Variants in PRKAA1 observed in about 807,000 individuals in gnomAD.
PRKAA1 encodes the protein protein kinase AMP-activated catalytic subunit alpha 1.
A neutral mutation model predicts 56.9 loss-of-function variants in PRKAA1; 23 were observed. That is an observed-to-expected ratio of 0.40 (90% CI 0.29 to 0.57). PRKAA1 has a LOEUF of 0.57. Ranked by LOEUF, PRKAA1 falls within the 20% of genes least tolerant of loss-of-function variation. The probability of loss-of-function intolerance (pLI) is 0.39; values close to 1 mark genes in which losing one functional copy is unlikely to be tolerated. For missense variants in PRKAA1, 413 were observed against 679.7 expected, an observed-to-expected ratio of 0.61 and a Z score of 4.36; for synonymous variants, 226 against 227.0, an observed-to-expected ratio of 1.00 and a Z score of 0.04.
chr5:40,787,014 AAAG>A (rs1253044900), intron 1 of PRKAA1, among the ~76,000 whole-genome samples: 3 of 152,096 alleles, frequency 2.0e-5, no homozygotes, highest in Admixed American at 6.6e-5. Flanking sequence ...CAAGCTGAAT[AAAG>A]AAGACACTAA....
At chr5:40,797,444 C>G (rs1487777886) in intron 1 of PRKAA1, among the ~76,000 whole-genome samples, 5 of 152,178 alleles carry the variant, frequency 3.3e-5, no homozygotes, top group Admixed American at 6.6e-5. Flanking sequence ...AAATACTGAA[C>G]CAGTTTATAC....
rs1743862017 is a variant in PRKAA1 at position 40,773,808 on chromosome 5, A to G, written c.363+1602T>C. On this transcript the variant is annotated intron_variant, in intron 3 of 8. Coordinates refer to ENST00000397128, the MANE Select transcript of PRKAA1 (RefSeq NM_006251.6). ...AAGTAAGAAGCTTTTAAACTCACCC[A>G]TATTGGGGAATAAGACCTATAATTT... 2.0e-5 allele frequency among the ~76,000 whole-genome samples: 3 copies of G among 152,248 alleles called. No individual in the cohort carries two copies. The South Asian group carries it at 6.2e-4, about 31-fold the overall frequency.
chr5:40,778,238 G>A (rs1404830479), intron 1 of PRKAA1, among the ~76,000 whole-genome samples: 1 of 152,162 alleles, frequency 6.6e-6, no homozygotes, highest in Non-Finnish European at 1.5e-5. Flanking sequence ...TGATGATTGA[G>A]ACTCTGCCTC....
At chr5:40,775,946 C>G (rs1361227901) in intron 2 of PRKAA1, among the ~76,000 whole-genome samples, 1 of 152,074 alleles carries the variant, frequency 6.6e-6, no homozygotes, top group African/African-American at 2.4e-5. Flanking sequence ...GATGTAGAGT[C>G]AAAGGTGTTA....
intron 2 of PRKAA1, 145 bp downstream of exon 2, chr5:40,777,300 A>C (rs537310983): frequency 4.3e-5 from 37 of 853,824 alleles, no homozygotes; most frequent in Non-Finnish European, 6.2e-5. Context: ...GGTGTGAGCC[A>C]CCGCACACAG....
chr5:40,769,503 C>A lies in PRKAA1; in HGVS notation c.509G>T (p.Gly170Val). The A allele has an allele frequency of 6.2e-7, 1 of 1,603,142 alleles. No homozygotes were observed. Among genetic ancestry groups the A allele is most frequent in the Non-Finnish European group, 8.5e-7 (1 of 1,173,628 alleles). Residue 170 changes from glycine to valine, a missense_variant and splice_region_variant, in exon 5 of 9, where the codon GGT becomes GTT. Physicochemically the swap from Gly to Val is moderately radical, Grantham distance 109. This residue lies in a region of PRKAA1 where 113 missense variants were observed against 198.6 expected (regional missense o/e 0.57). Coordinates refer to ENST00000397128, the MANE Select transcript of PRKAA1 (RefSeq NM_006251.6). Reference protein sequence around the residue: ...AHMNAKIADFGLSNMMSDGEF... With the variant: ...AHMNAKIADFVLSNMMSDGEF... ...ACCATCTGACATCATGTTTGAAAGACCTGAAAGTGCACAAAATCAGCTACT... is the reference window on the plus strand; with the variant it reads ...ACCATCTGACATCATGTTTGAAAGAACTGAAAGTGCACAAAATCAGCTACT...
At chr5:40,773,423 A>G (rs1273609022) in intron 3 of PRKAA1, among the ~76,000 whole-genome samples, 1 of 152,226 alleles carries the variant, frequency 6.6e-6, no homozygotes, top group African/African-American at 2.4e-5. Flanking sequence ...GGAGAAAGGG[A>G]TGTCTATAAA....
rs369229105 is a variant in PRKAA1 at position 40,763,073 on chromosome 5, A to C, written c.1436-51T>G. On this transcript the variant is annotated intron_variant, in intron 8 of 8. Transcript: ENST00000397128. ...TATAGTCTATGACCTTCTCCCAAAA[A>C]TTTTTGTAACAGTATTGAATTTGCT... 3.1e-6 allele frequency: 5 copies of C among 1,588,000 alleles called. No homozygotes were observed. In the South Asian group the frequency reaches 5.6e-5, roughly 18 times the overall value.
intron 6 of PRKAA1, 94 bp from the exon 7 acceptor site, chr5:40,765,332 T>G (rs1047106485): frequency 7.4e-7 from 1 of 1,359,006 alleles, no homozygotes; most frequent in Non-Finnish European, 1.0e-6. Context: ...ACTTAATTTA[T>G]ATTTATATTC....
intron 1 of PRKAA1, among the ~76,000 whole-genome samples, chr5:40,785,341 G>A (rs1303808702): frequency 6.6e-6 from 1 of 152,096 alleles, no homozygotes; most frequent in Non-Finnish European, 1.5e-5. Context: ...CTGGGTTCAA[G>A]CGATTCTCCT....
intron 1 of PRKAA1, among the ~76,000 whole-genome samples, chr5:40,782,977 G>C (rs965780062): frequency 2.0e-5 from 3 of 152,046 alleles, no homozygotes; most frequent in Admixed American, 2.0e-4. Flanking sequence ...AAAGTATGGT[G>C]GTATAACTTC....
chr5:40,777,389 G>A (rs1744058872), intron 2 of PRKAA1, 56 bp downstream of exon 2: 3 of 1,516,994 alleles, frequency 2.0e-6, no homozygotes, highest in Non-Finnish European at 2.7e-6. Context: ...CATTAAGTAG[G>A]TTAACAAAAA....
At position 40,761,118 on chromosome 5, in the gene PRKAA1, G is replaced by C. The variant is rs955043514; in HGVS notation, c.*1660C>G. 6 of 152,004 alleles carry C rather than the reference G, an allele frequency of 3.9e-5. No individual in the cohort carries two copies. The highest frequency in any genetic ancestry group is 1.2e-4 in the African/African-American group (5 of 41,402). The allele number at this position is 152,004 out of a possible 1,614,324, so 9.4% of individuals were successfully genotyped here. A position where few individuals can be genotyped will look rare whatever the true frequency, so the allele number is the denominator to read the frequency against. ...AAACAAATGTGACCACTTATTAATAGAATTGATTTGTTCCATATTTTATCA... is the reference window on the plus strand; with the variant it reads ...AAACAAATGTGACCACTTATTAATACAATTGATTTGTTCCATATTTTATCA... On this transcript the variant is annotated 3_prime_UTR_variant, in exon 9 of 9. Transcript: ENST00000397128.
At chr5:40,785,107 C>A (rs920673660) in intron 1 of PRKAA1, among the ~76,000 whole-genome samples, 2 of 152,136 alleles carry the variant, frequency 1.3e-5, no homozygotes, top group African/African-American at 4.8e-5. Context: ...TATTTGAGTA[C>A]CAGCACCTAC....
intron 2 of PRKAA1, chr5:40,777,175 G>A: frequency 4.4e-6 from 1 of 227,246 alleles, no homozygotes. Flanking sequence ...ACCATGCCCA[G>A]CTAATTTTTG....
At chr5:40,768,936 C>A in intron 5 of PRKAA1, 1 of 1,520,652 alleles carries the variant, frequency 6.6e-7, no homozygotes, top group South Asian at 1.1e-5. Flanking sequence ...ATATTGCAGT[C>A]TCTAAAAGGT....
Position 40,762,683 on chromosome 5 carries a change from T to C in PRKAA1, c.*95A>G. ...GCATTCCAAAACGCCAGCCCTCGGTTATAATTATGTATAACTTGATTACAA... is the reference window on the plus strand; with the variant it reads ...GCATTCCAAAACGCCAGCCCTCGGTCATAATTATGTATAACTTGATTACAA... On this transcript the variant is annotated 3_prime_UTR_variant, in exon 9 of 9. Coordinates refer to ENST00000397128, the MANE Select transcript of PRKAA1 (RefSeq NM_006251.6). 1 of 1,493,066 alleles carries C rather than the reference T, an allele frequency of 6.7e-7. No homozygotes were observed. Among genetic ancestry groups the C allele is most frequent in the South Asian group, 1.3e-5 (1 of 78,326 alleles). The allele number at this position is 1,493,066 out of a possible 1,614,324, so 92.5% of individuals were successfully genotyped here.
At position 40,797,687 on chromosome 5, in the gene PRKAA1, G is replaced by T. The variant is rs375942774; in HGVS notation, c.127+376C>A. Among the ~76,000 whole-genome samples, 933 of 152,360 alleles carry T rather than the reference G, an allele frequency of 6.1e-3. 13 individuals are homozygous for T. Among genetic ancestry groups the T allele is most frequent in the African/African-American group, 0.021 (883 of 41,594 alleles). ...CCTGAGCCAAGGGAGCACAACCCGG[G>T]CGCACAAGATGCCGCCTCCCCGGGG... On this transcript the variant is annotated intron_variant, in intron 1 of 8. Coordinates refer to ENST00000397128, the MANE Select transcript of PRKAA1 (RefSeq NM_006251.6).
At chr5:40,780,818 T>A (rs899097500) in intron 1 of PRKAA1, among the ~76,000 whole-genome samples, 4 of 152,184 alleles carry the variant, frequency 2.6e-5, no homozygotes, top group African/African-American at 9.7e-5. Context: ...TGAGGGCAGA[T>A]CTTCCCCACC....
Sources: gnomAD v4.1 joint callset for allele counts (sites outside exome capture counted in the v4.1 genomes callset) on GRCh38, gnomAD v4.1.1 for gene constraint, gnomAD v4.1.1 regional missense constraint, MANE v1.5 for transcripts, NCBI Gene and HGNC (gene_info 2026-07-23, HGNC 2026-07-21) for gene names.